The following HERC2 variants were observed in gnomAD, a reference collection of about 807,000 sequenced individuals.
HERC2 encodes HECT and RLD domain containing E3 ubiquitin protein ligase 2.
In HERC2, 102 loss-of-function variants were observed where a neutral mutation model predicts 537.7. That is an observed-to-expected ratio of 0.19 (90% CI 0.16 to 0.22). The LOEUF (loss-of-function observed/expected upper bound fraction) is 0.22, where lower values mean the gene tolerates loss of function less well. HERC2 is among the 10% of genes least tolerant of loss of function. The pLI, the probability that HERC2 is intolerant of heterozygous loss-of-function variation, is 1.00. For missense variants in HERC2, 4,236 were observed against 6,198.2 expected (o/e 0.68, Z 10.63); for synonymous variants, 2,224 against 2,466.2 (o/e 0.90, Z 2.91).
At position 28,270,845 on chromosome 15, in the gene HERC2, G is replaced by A. The variant is rs1383762089; in HGVS notation, c.1107C>T (p.Pro369=). ...TGAGGTACCTCAGGAAACTCTCATT[G>A]GGGCTCAGAGGGCCAGACAAAAGCT... ...DMHLLSGPLS[P]NESFLRYLTL... Residue 369 remains proline (P), a synonymous_variant, in exon 10 of 93, where the codon CCC becomes CCT. Transcript: ENST00000261609. The A allele has an allele frequency of 1.2e-6, 2 of 1,613,628 alleles. No individual in the cohort carries two copies. The highest frequency in any genetic ancestry group is 2.2e-5 in the South Asian group (2 of 91,046).
chr15:28,298,009 GTGT>G, intron 3 of HERC2, among the ~76,000 whole-genome samples: 1 of 98,620 alleles, frequency 1.0e-5, no homozygotes. Flanking sequence ...CAGTTATTGT[GTGT>G]GTGTGTGTGT....
intron 5 of HERC2, among the ~76,000 whole-genome samples, chr15:28,278,706 G>A (rs1370621546): frequency 5.3e-5 from 8 of 152,144 alleles, no homozygotes; most frequent in African/African-American, 1.4e-4. Context: ...GGAGCAAGAC[G>A]ATCAGGGTTT....
At chr15:28,191,711 G>T (rs547027130) in intron 53 of HERC2, among the ~76,000 whole-genome samples, 1 of 152,168 alleles carries the variant, frequency 6.6e-6, no homozygotes, top group Admixed American at 6.5e-5. Flanking sequence ...AGGAAAAAAA[G>T]CCTGACCACA....
chr15:28,213,968 T>C lies in HERC2; in HGVS notation c.6560A>G (p.Gln2187Arg), dbSNP rs759664045. 1.3e-5 allele frequency: 21 copies of C among 1,613,500 alleles called. No individual in the cohort carries two copies. The highest frequency in any genetic ancestry group is 1.7e-5 in the Admixed American group (1 of 59,974). Residue 2187 changes from glutamine to arginine, a missense_variant, in exon 42 of 93, where the codon CAG becomes CGG. Transcript: ENST00000261609. ...GGAGTCGGGGAAGTAGTCCTCTAACTGGGCCTAGTGCAGACCAAACAGCGA... is the reference window on the plus strand; with the variant it reads ...GGAGTCGGGGAAGTAGTCCTCTAACCGGGCCTAGTGCAGACCAAACAGCGA... The part of the protein sequence containing the change: ...SFVGRPSEGA[Q>R]LEDYFPDSEN...
In HERC2 at chr15:28,321,689, C is replaced by A. The variant is rs1172337752; in HGVS notation, c.-31-225G>T. Among the ~76,000 whole-genome samples, 5 of 123,008 alleles carry A rather than the reference C, an allele frequency of 4.1e-5. 1 individual carries two copies. Among genetic ancestry groups the A allele is most frequent in the African/African-American group, 8.2e-5 (2 of 24,458 alleles). 80.7% of individuals were successfully genotyped at this position (123,008 alleles called of 152,430 possible). On this transcript the variant is annotated intron_variant, in intron 1 of 92. Transcript: ENST00000261609. Reference sequence around the variant, plus strand: ...GTAAGCAGGGTGTGCCGAGTTTCTGCACCACGCTGACGAGACCTTGAGAAT... The same window carrying A: ...GTAAGCAGGGTGTGCCGAGTTTCTGAACCACGCTGACGAGACCTTGAGAAT...
chr15:28,303,644 C>T (rs2076696127), intron 2 of HERC2, among the ~76,000 whole-genome samples: 1 of 152,030 alleles, frequency 6.6e-6, no homozygotes, highest in Non-Finnish European at 1.5e-5. Context: ...TTGGGTAGTA[C>T]AGACATTTTA....
intron 80 of HERC2, 38 bp from the exon 81 acceptor site, chr15:28,132,299 A>C (rs764163132): frequency 6.4e-7 from 1 of 1,563,708 alleles, no homozygotes; most frequent in Non-Finnish European, 8.7e-7. Flanking sequence ...CAAGCACAAC[A>C]CAAGAAGGCT....
At chr15:28,121,039 G>A (rs1888828560) in intron 86 of HERC2, among the ~76,000 whole-genome samples, 1 of 152,228 alleles carries the variant, frequency 6.6e-6, no homozygotes, top group Non-Finnish European at 1.5e-5. Context: ...CAATGTAACA[G>A]CAGCGGTTAT....
intron 30 of HERC2, among the ~76,000 whole-genome samples, chr15:28,231,096 A>C (rs1158149330): frequency 6.6e-6 from 1 of 152,184 alleles, no homozygotes; most frequent in Non-Finnish European, 1.5e-5. Flanking sequence ...GAATCAACTG[A>C]ATTCACTGCG....
At chr15:28,317,418 T>C (rs2141319973) in intron 2 of HERC2, among the ~76,000 whole-genome samples, 1 of 152,314 alleles carries the variant, frequency 6.6e-6, no homozygotes, top group Admixed American at 6.5e-5. Flanking sequence ...ACAATAAGCT[T>C]AACTCTAAGA....
chr15:28,296,906 G>C (rs555352736), intron 3 of HERC2, among the ~76,000 whole-genome samples: 1 of 152,120 alleles, frequency 6.6e-6, no homozygotes, highest in African/African-American at 2.4e-5. Flanking sequence ...CACTGCTTTT[G>C]GTGCTGCCTG....
At position 28,236,022 on chromosome 15, in the gene HERC2, T is replaced by C. The variant is rs188984769; in HGVS notation, c.4003+941A>G. On this transcript the variant is annotated intron_variant, in intron 26 of 92. Transcript: ENST00000261609. ...GTCTGGTAAAAACACAGTCCTCAAGTAGAATGCTGTTCCCTGAGAGGACAG... is the reference window on the plus strand; with the variant it reads ...GTCTGGTAAAAACACAGTCCTCAAGCAGAATGCTGTTCCCTGAGAGGACAG... Among the ~76,000 whole-genome samples, 10 of 152,336 alleles carry C rather than the reference T, an allele frequency of 6.6e-5. No homozygotes were observed. The East Asian group carries it at 1.7e-3, about 26-fold the overall frequency.
chr15:28,291,381 TG>T (rs1159877596), intron 4 of HERC2, among the ~76,000 whole-genome samples: 1 of 151,974 alleles, frequency 6.6e-6, no homozygotes, highest in Non-Finnish European at 1.5e-5. Context: ...TGAGATACCA[TG>T]GCAGGCGTCA....
chr15:28,210,453 T>C (rs1054998208), intron 44 of HERC2, among the ~76,000 whole-genome samples: 13 of 152,212 alleles, frequency 8.5e-5, no homozygotes, highest in Non-Finnish European at 1.3e-4. Flanking sequence ...ACATTATCTT[T>C]ACATGCCTTT....
In HERC2 at chr15:28,233,259, C is replaced by T. The variant is rs748820235; in HGVS notation, c.4562G>A (p.Arg1521Lys). Reference sequence around the variant, plus strand: ...AGAGAGGTCATTACAAACAGCAGGTCTCAATTCATTAAAGAGGAATCTCAA... The same window carrying T: ...AGAGAGGTCATTACAAACAGCAGGTTTCAATTCATTAAAGAGGAATCTCAA... ...ERLRFLFNEL[R>K]PAVCNDLSIM... The change falls in exon 30 of 93, where the codon AGA becomes AAA. Residue 1521 changes from arginine to lysine, a missense_variant. Around this residue, in one of 27 missense-constraint regions of HERC2, gnomAD observed 94 missense variants for 174.9 expected, o/e 0.54. Coordinates refer to ENST00000261609, the MANE Select transcript of HERC2 (RefSeq NM_004667.6). 1.3e-6 allele frequency: 2 copies of T among 1,545,868 alleles called. No homozygotes were observed. Among genetic ancestry groups the T allele is most frequent in the Non-Finnish European group, 1.8e-6 (2 of 1,121,092 alleles).
intron 4 of HERC2, among the ~76,000 whole-genome samples, chr15:28,283,240 A>C (rs2076071917): frequency 6.6e-6 from 1 of 152,108 alleles, no homozygotes; most frequent in South Asian, 2.1e-4. Flanking sequence ...GATGAACCCA[A>C]AGAAATCCAA....
intron 48 of HERC2, among the ~76,000 whole-genome samples, chr15:28,199,781 T>TG (rs1269627545): frequency 6.6e-6 from 1 of 152,158 alleles, no homozygotes; most frequent in Non-Finnish European, 1.5e-5. Flanking sequence ...AGATTCAGCC[T>TG]GGTCCAATCA....
chr15:28,214,305 C>A (rs377229245), intron 40 of HERC2, 33 bp from the exon 41 acceptor site: 2 of 1,560,724 alleles, frequency 1.3e-6, no homozygotes, highest in Non-Finnish European at 1.8e-6. Context: ...AGCTGCTGCA[C>A]CGCTCTTCAC....
chr15:28,135,445 AT>A (rs768002069), intron 79 of HERC2, 32 bp downstream of exon 79: 18 of 1,538,660 alleles, frequency 1.2e-5, no homozygotes, highest in Non-Finnish European at 1.6e-5. Context: ...ACAAAGACAA[AT>A]AGAATGTTGA....
Sources: gnomAD v4.1 joint callset for allele counts (sites outside exome capture counted in the v4.1 genomes callset) on GRCh38, gnomAD v4.1.1 for gene constraint, gnomAD v4.1.1 regional missense constraint, MANE v1.5 for transcripts, NCBI Gene and HGNC (gene_info 2026-07-23, HGNC 2026-07-21) for gene names.